RPL11: variants seen among roughly 807,000 people sequenced by gnomAD.
RPL11 encodes large ribosomal subunit protein uL5.
In RPL11, 3 loss-of-function variants were observed where a neutral mutation model predicts 24.1. The ratio of observed to expected loss-of-function variants is 0.12; its 90% confidence interval spans 0.06 to 0.32. The LOEUF (loss-of-function observed/expected upper bound fraction) is 0.32. RPL11 is among the 10% of genes least tolerant of loss of function. RPL11 has a pLI of 1.00. For missense variants in RPL11, 146 were observed against 225.7 expected, an observed-to-expected ratio of 0.65 and a Z score of 2.26; for synonymous variants, 96 against 75.7, an observed-to-expected ratio of 1.27 and a Z score of -1.39.
chr1:23,695,760 T>G, intron 4 of RPL11, 38 bp from the exon 5 acceptor site: 13 of 1,540,398 alleles, frequency 8.4e-6, no homozygotes, highest in Non-Finnish European at 1.1e-5. Context: ...CTCTTGACTC[T>G]GAGCTGGCTA....
rs187475728 is a variant in RPL11 at position 23,693,453 on chromosome 1, G to A, written c.158-354G>A. On this transcript the variant is annotated intron_variant, in intron 2 of 5. Coordinates refer to ENST00000643754, the MANE Select transcript of RPL11 (RefSeq NM_000975.5). ...TAAAATATGGATAACAGTACAATAAGGTTTCAGCAAATAGTAGATGTTGTC... is the reference window on the plus strand; with the variant it reads ...TAAAATATGGATAACAGTACAATAAAGTTTCAGCAAATAGTAGATGTTGTC... Among the ~76,000 whole-genome samples, 482 of 152,250 alleles carry A rather than the reference G, an allele frequency of 3.2e-3. 4 individuals are homozygous for A. The highest frequency in any genetic ancestry group is 0.01 in the Middle Eastern group (3 of 294).
Position 23,696,382 on chromosome 1 carries a change from T to G in RPL11, c.*9T>G. 2 of 1,613,570 alleles carry G rather than the reference T, an allele frequency of 1.2e-6. No homozygotes were observed. The highest frequency in any genetic ancestry group is 1.7e-6 in the Non-Finnish European group (2 of 1,179,450). Reference sequence around the variant, plus strand: ...TCCTTCCTGGCAAATAAATTCCCGTTTCTATCCAAAAGAGCAATAAAAAGT... The same window carrying G: ...TCCTTCCTGGCAAATAAATTCCCGTGTCTATCCAAAAGAGCAATAAAAAGT... On this transcript the variant is annotated 3_prime_UTR_variant, in exon 6 of 6. Transcript: ENST00000643754.
chr1:23,696,309 C>T, intron 5 of RPL11, 35 bp from the exon 6 acceptor site: 1 of 1,609,152 alleles, frequency 6.2e-7, no homozygotes, highest in Non-Finnish European at 8.5e-7. Flanking sequence ...GCTGTTGCCT[C>T]CTGTTCTGAA....
At chr1:23,691,963 G>A (rs946448413) in intron 1 of RPL11, 134 bp downstream of exon 1, 15 of 1,175,446 alleles carry the variant, frequency 1.3e-5, no homozygotes, top group Admixed American at 3.4e-5. Flanking sequence ...AACTAGCAGA[G>A]CCGTTCGAGC....
intron 4 of RPL11, chr1:23,695,149 G>T: frequency 2.7e-6 from 1 of 369,468 alleles, no homozygotes; most frequent in African/African-American, 2.1e-5. Flanking sequence ...CACTGAGGCT[G>T]TTCTCCCCCT....
Position 23,695,790 on chromosome 1 carries a change from TGGGACAGG to T in RPL11, c.397-7_397del. On this transcript the variant is annotated splice_acceptor_variant and splice_polypyrimidine_tract_variant and coding_sequence_variant and intron_variant, in exon 5 of 6. Coordinates refer to ENST00000643754, the MANE Select transcript of RPL11 (RefSeq NM_000975.5). LOFTEE classifies it high-confidence loss of function. The stretch of plus-strand genomic sequence containing the variant: ...TGGCTAGGTGACTGTTGGTTATTCC[TGGGACAGG>T]TGCTGGGTAGGCCAGGTTTCAGCAT... 6.3e-7 allele frequency: 1 copy of T among 1,578,564 alleles called. No homozygotes were observed. The highest frequency in any genetic ancestry group is 8.6e-7 in the Non-Finnish European group (1 of 1,162,232).
chr1:23,696,387 T>G lies in RPL11; in HGVS notation c.*14T>G. 1.2e-6 allele frequency: 2 copies of G among 1,612,864 alleles called. No homozygotes were observed. Among genetic ancestry groups the G allele is most frequent in the Non-Finnish European group, 1.7e-6 (2 of 1,178,840 alleles). The stretch of plus-strand genomic sequence containing the variant: ...CCTGGCAAATAAATTCCCGTTTCTA[T>G]CCAAAAGAGCAATAAAAAGTTTTCA... On this transcript the variant is annotated 3_prime_UTR_variant, in exon 6 of 6. Transcript: ENST00000643754.
At chr1:23,695,341 C>T (rs1004308258) in intron 4 of RPL11, 4 of 273,760 alleles carry the variant, frequency 1.5e-5, no homozygotes, top group African/African-American at 2.2e-5. Flanking sequence ...ATTAGACAGA[C>T]AAGTAATAAG....
intron 4 of RPL11, chr1:23,695,004 C>G (rs888025358): frequency 1.0e-5 from 7 of 681,946 alleles, no homozygotes; most frequent in African/African-American, 8.9e-5. Context: ...TGTTGGGGAA[C>G]TTGCAGTCGA....
intron 5 of RPL11, 120 bp from the exon 6 acceptor site, chr1:23,696,224 G>C: frequency 4.2e-6 from 4 of 963,774 alleles, no homozygotes; most frequent in Non-Finnish European, 6.6e-6. Context: ...GTCCAGAAAA[G>C]GATGGGATTC....
chr1:23,696,289 T>A (rs2124432504), intron 5 of RPL11, 55 bp from the exon 6 acceptor site: 1 of 1,547,468 alleles, frequency 6.5e-7, no homozygotes, highest in South Asian at 1.1e-5. Flanking sequence ...TAGCCATTGC[T>A]GCAATCTCTG....
intron 1 of RPL11, 100 bp downstream of exon 1, chr1:23,691,929 A>G: frequency 8.0e-6 from 12 of 1,496,768 alleles, no homozygotes; most frequent in Non-Finnish European, 1.1e-5. Context: ...AGGAATATGG[A>G]GCCCGCAATG....
intron 1 of RPL11, 131 bp downstream of exon 1, chr1:23,691,960 A>G (rs537766423): frequency 3.3e-6 from 4 of 1,228,566 alleles, no homozygotes; most frequent in Non-Finnish European, 4.8e-6. Context: ...CAAAACTAGC[A>G]GAGCCGTTCG....
At chr1:23,692,215 G>A (rs1172305496) in intron 1 of RPL11, 4 of 434,978 alleles carry the variant, frequency 9.2e-6, no homozygotes. Context: ...CCTTTAGACA[G>A]CTTCCGAATA....
At position 23,695,681 on chromosome 1, in the gene RPL11, C is replaced by T. The variant is rs996878341; in HGVS notation, c.397-117C>T. ...TCAGACACAGATCATGGGTCTTGCTCCAGAATCCATTGGGCTGCCAAGTGA... is the reference window on the plus strand; with the variant it reads ...TCAGACACAGATCATGGGTCTTGCTTCAGAATCCATTGGGCTGCCAAGTGA... On this transcript the variant is annotated intron_variant, in intron 4 of 5. Coordinates refer to ENST00000643754, the MANE Select transcript of RPL11 (RefSeq NM_000975.5). 18 of 934,122 alleles carry T rather than the reference C, an allele frequency of 1.9e-5. No individual in the cohort carries two copies. In the African/African-American group the frequency reaches 2.9e-4, roughly 15 times the overall value. 57.9% of individuals were successfully genotyped at this position (934,122 alleles called of 1,614,324 possible). A position where few individuals can be genotyped will look rare whatever the true frequency, so the allele number is the denominator to read the frequency against.
At position 23,696,486 on chromosome 1, in the gene RPL11, C is replaced by T. The variant is rs1054014697; in HGVS notation, c.*113C>T. On this transcript the variant is annotated 3_prime_UTR_variant, in exon 6 of 6. Coordinates refer to ENST00000643754, the MANE Select transcript of RPL11 (RefSeq NM_000975.5). ...ATTCAAGTCCTTGGACCTCAAGCCA[C>T]TTAAAGCTTCGATGGGAGTAGCTGG... 9.4e-7 allele frequency: 1 copy of T among 1,058,242 alleles called. No individual in the cohort carries two copies. Among genetic ancestry groups the T allele is most frequent in the Non-Finnish European group, 1.5e-6 (1 of 687,876 alleles). 65.6% of individuals were successfully genotyped at this position (1,058,242 alleles called of 1,614,324 possible).
Position 23,693,922 on chromosome 1 carries a change from A to T in RPL11, c.264+9A>T, listed in dbSNP as rs777041270. On this transcript the variant is annotated intron_variant, in intron 3 of 5. Transcript: ENST00000643754. ...TGGAGAAGGGTCTAAAGGTGAGCCT[A>T]ATCCCCTAATGGAGTGATATTGATC... 32 of 1,596,126 alleles carry T rather than the reference A, an allele frequency of 2.0e-5. No individual in the cohort carries two copies. Among genetic ancestry groups the T allele is most frequent in the Non-Finnish European group, 2.7e-5 (31 of 1,163,698 alleles).
chr1:23,692,978 C>T (rs1272487880), intron 2 of RPL11, among the ~76,000 whole-genome samples: 1 of 150,712 alleles, frequency 6.6e-6, no homozygotes, highest in Non-Finnish European at 1.5e-5. Flanking sequence ...TAAGCTAAGA[C>T]TAGCCCAAGT....
intron 2 of RPL11, 126 bp downstream of exon 2, chr1:23,692,885 C>A: frequency 8.2e-7 from 1 of 1,217,844 alleles, no homozygotes; most frequent in Non-Finnish European, 1.2e-6. Context: ...AATTCATGAG[C>A]CGGCCAAGAG....
Sources: gnomAD v4.1 joint callset for allele counts (sites outside exome capture counted in the v4.1 genomes callset) on GRCh38, gnomAD v4.1.1 for gene constraint, MANE v1.5 for transcripts, NCBI Gene and HGNC (gene_info 2026-07-23, HGNC 2026-07-21) for gene names.